The following LRRC8B variants were observed in gnomAD, a reference collection of about 807,000 sequenced individuals.
The protein encoded by LRRC8B is volume-regulated anion channel subunit LRRC8B.
A neutral mutation model predicts 58.8 loss-of-function variants in LRRC8B; 23 were observed. The observed-to-expected ratio is 0.39, with a 90% confidence interval of 0.28 to 0.55. LRRC8B has a LOEUF of 0.55. LRRC8B is among the 20% of genes least tolerant of loss of function. The pLI, the probability that LRRC8B is intolerant of heterozygous loss-of-function variation, is 0.62. For missense variants in LRRC8B, 694 were observed against 936.0 expected (o/e 0.74, Z 3.37); for synonymous variants, 359 against 374.1 (o/e 0.96, Z 0.47).
At chr1:89,558,907 A>G (rs1232888282) in intron 1 of LRRC8B, 1 of 152,178 alleles carries the variant, frequency 6.6e-6, no homozygotes, top group Non-Finnish European at 1.5e-5. Context: ...CCATTTCTTA[A>G]TATTGTTGCA....
intron 1 of LRRC8B, among the ~76,000 whole-genome samples, chr1:89,540,976 T>C (rs376322878): frequency 6.6e-6 from 1 of 152,252 alleles, no homozygotes; most frequent in East Asian, 1.9e-4. Context: ...TGGATTAAGT[T>C]TTGAACCAGA....
At chr1:89,525,980 G>A (rs1649664519) in intron 1 of LRRC8B, among the ~76,000 whole-genome samples, 1 of 152,130 alleles carries the variant, frequency 6.6e-6, no homozygotes, top group African/African-American at 2.4e-5. Flanking sequence ...AAGACATTAC[G>A]TAGCATGATT....
intron 3 of LRRC8B, among the ~76,000 whole-genome samples, chr1:89,573,717 A>G (rs1016499923): frequency 6.6e-6 from 1 of 152,160 alleles, no homozygotes; most frequent in South Asian, 2.1e-4. Flanking sequence ...TTCCTTATCT[A>G]ATAAACCTTC....
rs114324614 is a variant in LRRC8B, at chr1:89,593,072, A to G, written c.*29A>G. 2.4e-3 allele frequency: 3,807 copies of G among 1,602,332 alleles called. 88 individuals carry two copies. In the African/African-American group the frequency reaches 0.046, roughly 19 times the overall value. On this transcript the variant is annotated 3_prime_UTR_variant, in exon 6 of 6. Transcript: ENST00000330947. ...AAAGAAAAGAGACCCGTGTTTCAAA[A>G]TCATTTTTAAAAGTATGCTCGGCCG... is the stretch of plus-strand genomic sequence containing the variant.
intron 1 of LRRC8B, among the ~76,000 whole-genome samples, chr1:89,562,785 A>G (rs1296752926): frequency 6.6e-6 from 1 of 152,140 alleles, no homozygotes; most frequent in Admixed American, 6.6e-5. Flanking sequence ...GCTATTTAGT[A>G]AAGAAGACCT....
rs560844917 is a variant in LRRC8B, at chr1:89,597,559, A to G, written c.*4516A>G. On this transcript the variant is annotated 3_prime_UTR_variant, in exon 6 of 6. Transcript: ENST00000330947. ...CTTCACTTAGTGAAATAATGGGCCAATCTGGAATAGAGACATTTTATTTGG... is the reference window on the plus strand; with the variant it reads ...CTTCACTTAGTGAAATAATGGGCCAGTCTGGAATAGAGACATTTTATTTGG... 9.8e-5 allele frequency: 15 copies of G among 152,342 alleles called. No individual in the cohort carries two copies. Among genetic ancestry groups the G allele is most frequent in the Middle Eastern group, 3.4e-3 (1 of 294 alleles). The allele number at this position is 152,342 out of a possible 1,614,324, so 9.4% of individuals were successfully genotyped here.
chr1:89,575,813 G>A (rs1653803665), intron 3 of LRRC8B, among the ~76,000 whole-genome samples: 1 of 152,038 alleles, frequency 6.6e-6, no homozygotes, highest in Admixed American at 6.6e-5. Flanking sequence ...CCTCTCCGTG[G>A]ACCTCTTTAT....
At chr1:89,585,142 G>A (rs1189647630) in intron 5 of LRRC8B, among the ~76,000 whole-genome samples, 1 of 152,116 alleles carries the variant, frequency 6.6e-6, no homozygotes, top group Middle Eastern at 3.2e-3. Flanking sequence ...AAGGTTTTAG[G>A]TATTTAGGGA....
intron 1 of LRRC8B, among the ~76,000 whole-genome samples, chr1:89,544,512 T>C (rs942856333): frequency 1.3e-5 from 2 of 152,230 alleles, no homozygotes; most frequent in African/African-American, 4.8e-5. Context: ...CCTTTTCCTA[T>C]GTTGGCCTAG....
intron 1 of LRRC8B, among the ~76,000 whole-genome samples, chr1:89,543,323 CAT>C (rs1275591566): frequency 6.6e-6 from 1 of 152,140 alleles, no homozygotes; most frequent in Non-Finnish European, 1.5e-5. Context: ...TTCAAAGTAA[CAT>C]AAGTCTAAGG....
rs370901170 is a variant in LRRC8B, at chr1:89,572,305, CTG to C, written c.-125+3814_-125+3815del. ...GTCTTTCATTTCAACCTTAGATAAT[CTG>C]TTGATTATGTGTCTTGGGGATGATC... On this transcript the variant is annotated intron_variant, in intron 3 of 5. Transcript: ENST00000330947. Among the ~76,000 whole-genome samples, 27 of 152,244 alleles carry C rather than the reference CTG, an allele frequency of 1.8e-4. No individual in the cohort carries two copies. The South Asian group carries it at 5.2e-3, about 29-fold the overall frequency.
intron 1 of LRRC8B, among the ~76,000 whole-genome samples, chr1:89,525,599 GC>G (rs1160728008): frequency 6.6e-6 from 1 of 152,216 alleles, no homozygotes; most frequent in Non-Finnish European, 1.5e-5. Context: ...GAAAGGGCAA[GC>G]GTTACCAATT....
intron 1 of LRRC8B, among the ~76,000 whole-genome samples, chr1:89,543,028 A>G (rs1651133950): frequency 6.6e-6 from 1 of 152,236 alleles, no homozygotes; most frequent in African/African-American, 2.4e-5. Context: ...TTAATGATGA[A>G]AAATTAGACT....
intron 1 of LRRC8B, among the ~76,000 whole-genome samples, chr1:89,530,241 C>G (rs1473611781): frequency 6.6e-6 from 1 of 151,400 alleles, no homozygotes; most frequent in Non-Finnish European, 1.5e-5. Flanking sequence ...CGCCTATAGT[C>G]CCAGCTACTC....
chr1:89,526,540 T>A (rs1005855465), intron 1 of LRRC8B, among the ~76,000 whole-genome samples: 11 of 152,190 alleles, frequency 7.2e-5, no homozygotes, highest in Non-Finnish European at 8.8e-5. Context: ...GGTGACTTTC[T>A]TTTTCTCCTG....
intron 3 of LRRC8B, among the ~76,000 whole-genome samples, chr1:89,575,322 CT>C (rs1218850544): frequency 6.6e-6 from 1 of 152,172 alleles, no homozygotes; most frequent in East Asian, 1.9e-4. Flanking sequence ...GTAGCTTTCA[CT>C]TTTATGCTTG....
chr1:89,551,591 G>A (rs920438538), intron 1 of LRRC8B, among the ~76,000 whole-genome samples: 2 of 152,022 alleles, frequency 1.3e-5, no homozygotes, highest in Non-Finnish European at 2.9e-5. Flanking sequence ...CCATACCACA[G>A]CAAATGCTCA....
chr1:89,528,083 A>G (rs955857044), intron 1 of LRRC8B, among the ~76,000 whole-genome samples: 2 of 152,108 alleles, frequency 1.3e-5, no homozygotes, highest in Non-Finnish European at 2.9e-5. Context: ...GACTGTATAT[A>G]TTTAAACTTC....
At chr1:89,556,275 C>T (rs929427221) in intron 1 of LRRC8B, among the ~76,000 whole-genome samples, 2 of 152,146 alleles carry the variant, frequency 1.3e-5, no homozygotes, top group Non-Finnish European at 2.9e-5. Flanking sequence ...CAGAGAAGCT[C>T]CATCCTCCCA....
Sources: gnomAD v4.1 joint callset for allele counts (sites outside exome capture counted in the v4.1 genomes callset) on GRCh38, gnomAD v4.1.1 for gene constraint, MANE v1.5 for transcripts, NCBI Gene and HGNC (gene_info 2026-07-23, HGNC 2026-07-21) for gene names.